Variants in KIF9 observed in about 807,000 individuals in gnomAD.
KIF9 encodes kinesin family member 9.
Under a neutral mutation model 94.8 loss-of-function variants are expected in KIF9, and 68 were observed. That is an observed-to-expected ratio of 0.72 (90% CI 0.59 to 0.88). The LOEUF (loss-of-function observed/expected upper bound fraction) is 0.88. KIF9 is among the 40% of genes least tolerant of loss of function. The pLI, the probability that KIF9 is intolerant of heterozygous loss-of-function variation, is 0.00. For missense variants in KIF9, 882 were observed against 982.5 expected, an observed-to-expected ratio of 0.90 and a Z score of 1.37; for synonymous variants, 343 against 362.1, an observed-to-expected ratio of 0.95 and a Z score of 0.60.
intron 1 of KIF9, among the ~76,000 whole-genome samples, chr3:47,281,919 C>T (rs1439059633): frequency 6.6e-6 from 1 of 152,204 alleles, no homozygotes; most frequent in Non-Finnish European, 1.5e-5. Flanking sequence ...AGATGAGGGG[C>T]TGTCATGGGG....
intron 1 of KIF9, 29 bp downstream of exon 1, chr3:47,282,466 A>G: frequency 1.0e-6 from 1 of 987,858 alleles, no homozygotes; most frequent in Non-Finnish European, 1.2e-6. Flanking sequence ...CCGTCTCCCC[A>G]CTCCCACCGG....
chr3:47,254,607 T>TCA (rs1290938937), intron 10 of KIF9, among the ~76,000 whole-genome samples: 3 of 151,864 alleles, frequency 2.0e-5, no homozygotes, highest in African/African-American at 4.8e-5. Flanking sequence ...GGAGATTGTC[T>TCA]CACACACACA....
At chr3:47,267,558 C>G (rs2107455373) in intron 5 of KIF9, among the ~76,000 whole-genome samples, 1 of 152,308 alleles carries the variant, frequency 6.6e-6, no homozygotes, top group East Asian at 1.9e-4. Context: ...CAGAATCAAC[C>G]TGCATGTCCA....
chr3:47,247,890 T>A (rs1700027898), intron 11 of KIF9, 128 bp downstream of exon 11: 2 of 752,708 alleles, frequency 2.7e-6, no homozygotes, highest in Non-Finnish European at 4.7e-6. Context: ...TTCCTGCCAC[T>A]GAGCCTGCCC....
intron 10 of KIF9, among the ~76,000 whole-genome samples, chr3:47,252,246 C>T (rs1700316123): frequency 6.6e-6 from 1 of 152,192 alleles, no homozygotes; most frequent in African/African-American, 2.4e-5. Flanking sequence ...CAGAGACTCA[C>T]TCAGTTGGCC....
intron 8 of KIF9, 74 bp downstream of exon 8, chr3:47,265,656 T>C: frequency 4.0e-6 from 6 of 1,497,222 alleles, no homozygotes; most frequent in Non-Finnish European, 5.5e-6. Context: ...TCATCACCAG[T>C]GGCAGATGTG....
chr3:47,264,125 T>C, intron 9 of KIF9, 161 bp downstream of exon 9: 1 of 628,022 alleles, frequency 1.6e-6, no homozygotes, highest in Non-Finnish European at 3.0e-6. Context: ...ATCCTAGCTC[T>C]GGGCCCCCTC....
At chr3:47,277,909 C>T (rs370825139) in intron 1 of KIF9, among the ~76,000 whole-genome samples, 12 of 152,098 alleles carry the variant, frequency 7.9e-5, no homozygotes, top group African/African-American at 2.4e-4. Flanking sequence ...TCTTCTCTTA[C>T]TATATTGAGA....
chr3:47,273,702 C>T lies in KIF9; in HGVS notation c.260-44G>A, dbSNP rs371341853. 829 of 1,524,884 alleles carry T rather than the reference C, an allele frequency of 5.4e-4. 1 individual carries two copies. Among genetic ancestry groups the T allele is most frequent in the Middle Eastern group, 1.4e-3 (8 of 5,924 alleles). The allele number at this position is 1,524,884 out of a possible 1,614,324, so 94.5% of individuals were successfully genotyped here. Reference sequence around the variant, plus strand: ...ACGGTGACATCCAGGAAAATAGCTCCAAGGATAACTCTCCCCTCTCCCAGC... The same window carrying T: ...ACGGTGACATCCAGGAAAATAGCTCTAAGGATAACTCTCCCCTCTCCCAGC... On this transcript the variant is annotated intron_variant, in intron 3 of 20. Transcript: ENST00000684063.
intron 1 of KIF9, among the ~76,000 whole-genome samples, chr3:47,277,749 C>G (rs1476269033): frequency 6.6e-6 from 1 of 152,130 alleles, no homozygotes; most frequent in Non-Finnish European, 1.5e-5. Flanking sequence ...ATTATATTTT[C>G]TTCTAAAATA....
chr3:47,250,676 G>A (rs776046082), intron 10 of KIF9: 33 of 353,524 alleles, frequency 9.3e-5, no homozygotes, highest in Non-Finnish European at 1.7e-4. Flanking sequence ...TTTTATACTC[G>A]ATATACCATC....
At chr3:47,266,679 G>A (rs934170935) in intron 7 of KIF9, among the ~76,000 whole-genome samples, 3 of 152,058 alleles carry the variant, frequency 2.0e-5, no homozygotes, top group Non-Finnish European at 4.4e-5. Flanking sequence ...ACAGAGAAAT[G>A]CTATACCAGC....
At chr3:47,281,719 A>G (rs1051985074) in intron 1 of KIF9, among the ~76,000 whole-genome samples, 3 of 152,204 alleles carry the variant, frequency 2.0e-5, no homozygotes, top group Non-Finnish European at 2.9e-5. Context: ...TATTTCTGGT[A>G]TAACAAAGCA....
chr3:47,260,685 C>T (rs1235767785), intron 9 of KIF9, among the ~76,000 whole-genome samples: 1 of 152,244 alleles, frequency 6.6e-6, no homozygotes, highest in Non-Finnish European at 1.5e-5. Context: ...AAGGCACCCA[C>T]CCATGGCCAC....
At chr3:47,240,710 T>G in intron 17 of KIF9, 91 bp downstream of exon 17, 1 of 1,086,996 alleles carries the variant, frequency 9.2e-7, no homozygotes, top group South Asian at 1.3e-5. Context: ...CCCCCTCCCA[T>G]CTCAGACCTC....
chr3:47,265,367 G>A (rs1290191981), intron 8 of KIF9, among the ~76,000 whole-genome samples: 10 of 152,142 alleles, frequency 6.6e-5, no homozygotes, highest in Admixed American at 3.9e-4. Flanking sequence ...CAAAGCCCCC[G>A]CTGCTCTGTA....
chr3:47,248,460 G>A (rs1490156384), intron 10 of KIF9, among the ~76,000 whole-genome samples: 1 of 148,884 alleles, frequency 6.7e-6, no homozygotes, highest in Non-Finnish European at 1.5e-5. Flanking sequence ...TTTTTTTTTT[G>A]AGACAGAGTT....
intron 20 of KIF9, among the ~76,000 whole-genome samples, chr3:47,233,944 AGCCGG>A (rs1464296949): frequency 6.6e-6 from 1 of 151,932 alleles, no homozygotes; most frequent in African/African-American, 2.4e-5. Context: ...ACAAAAAATT[AGCCGG>A]GCATGGTAGC....
Position 47,235,983 on chromosome 3 carries a change from C to T in KIF9, c.2217+51G>A, listed in dbSNP as rs563961502. On this transcript the variant is annotated intron_variant, in intron 19 of 20. Transcript: ENST00000684063. ...GAGAACAGACATCAAGGGGCACTGC[C>T]CATTGCCCCATGTTCAACCACTGCC... 4 of 1,294,220 alleles carry T rather than the reference C, an allele frequency of 3.1e-6. No homozygotes were observed. The East Asian group carries it at 9.2e-5, about 30-fold the overall frequency. 80.2% of individuals were successfully genotyped at this position (1,294,220 alleles called of 1,614,324 possible).
Sources: gnomAD v4.1 joint callset for allele counts (sites outside exome capture counted in the v4.1 genomes callset) on GRCh38, gnomAD v4.1.1 for gene constraint, MANE v1.5 for transcripts, NCBI Gene and HGNC (gene_info 2026-07-23, HGNC 2026-07-21) for gene names.